GOLGA8R: variants seen among roughly 807,000 people sequenced by gnomAD.
GOLGA8R encodes golgin subfamily A member 8R.
Under a neutral mutation model 21.4 loss-of-function variants are expected in GOLGA8R, and 6 were observed. The observed-to-expected ratio is 0.28, with a 90% CI of 0.15 to 0.55. GOLGA8R has a LOEUF of 0.55. Among genes scored for constraint, GOLGA8R ranks in the 20% least tolerant of loss-of-function variants. The probability of loss-of-function intolerance (pLI) is 0.94; values close to 1 mark genes in which losing one functional copy is unlikely to be tolerated. For synonymous variants in GOLGA8R, 8 were observed against 49.3 expected, an observed-to-expected ratio of 0.16 and a Z score of 3.51; for missense variants, 41 against 139.9, an observed-to-expected ratio of 0.29 and a Z score of 3.57.
chr15:30,407,989 A>C lies in GOLGA8R; in HGVS notation c.790T>G (p.Cys264Gly). ...TCCTGCTTCTCTTTCTTTAATGTGCAAATCTGCCCAAAGCACAGGGGGAAA... is the reference window on the plus strand; with the variant it reads ...TCCTGCTTCTCTTTCTTTAATGTGCCAATCTGCCCAAAGCACAGGGGGAAA... ...QRMSKMSQEICTLKKEKQDMR... is the reference protein window; with the variant it reads ...QRMSKMSQEIGTLKKEKQDMR... Residue 264 changes from cysteine (C) to glycine (G), a missense_variant, in exon 11 of 19, where the codon TGC becomes GGC. Cys to Gly is a radical substitution (Grantham distance 159, BLOSUM62 -3). Transcript: ENST00000327271. 1 of 1,612,910 alleles carries C rather than the reference A, an allele frequency of 6.2e-7. No homozygotes were observed. Among genetic ancestry groups the C allele is most frequent in the Non-Finnish European group, 8.5e-7 (1 of 1,179,248 alleles).
chr15:30,408,134 C>T, intron 10 of GOLGA8R, 54 bp downstream of exon 10: 1 of 1,007,374 alleles, frequency 9.9e-7, no homozygotes, highest in Non-Finnish European at 1.5e-6. Flanking sequence ...TACAGATGCC[C>T]AGAAAGATCC....
intron 17 of GOLGA8R, 43 bp from the exon 18 acceptor site, chr15:30,404,199 CA>C: frequency 2.9e-4 from 13 of 44,954 alleles, no homozygotes; most frequent in South Asian, 4.9e-4. Context: ...TGCCTGCGCC[CA>C]CCCTCACACC....
At chr15:30,407,874 G>A (rs758887972) in intron 11 of GOLGA8R, 34 bp downstream of exon 11, 9 of 1,605,620 alleles carry the variant, frequency 5.6e-6, no homozygotes, top group East Asian at 2.2e-5. Context: ...TCTGATGCCA[G>A]TCCTGCTCCC....
chr15:30,407,713 C>T (rs1480833428), intron 11 of GOLGA8R, among the ~76,000 whole-genome samples, 182 bp from the exon 12 acceptor site: 92 of 152,058 alleles, frequency 6.1e-4, no homozygotes, highest in Non-Finnish European at 1.1e-3. Flanking sequence ...TGGCTGACAA[C>T]GGGCCCTCTT....
chr15:30,410,312 C>T (rs2059119939), intron 4 of GOLGA8R, 45 bp from the exon 5 acceptor site: 5 of 1,063,048 alleles, frequency 4.7e-6, no homozygotes, highest in Non-Finnish European at 5.3e-6. Context: ...GCCCCCTCAA[C>T]TCTATTCCCC....
rs549305273 is a variant in GOLGA8R, at chr15:30,407,987, G to T, written c.792C>A (p.Cys264Ter). ...QRMSKMSQEICTLKKEKQDMR... is the reference protein window; with the variant it reads ...QRMSKMSQEI ...TATCCTGCTTCTCTTTCTTTAATGT[G>T]CAAATCTGCCCAAAGCACAGGGGGA... Residue 264 changes from cysteine to a stop codon, truncating the protein, a stop_gained, in exon 11 of 19, where the codon TGC becomes TGA. Transcript: ENST00000327271. LOFTEE classifies it high-confidence loss of function. 1.9e-6 allele frequency: 3 copies of T among 1,612,830 alleles called. No homozygotes were observed. The highest frequency in any genetic ancestry group is 2.2e-5 in the South Asian group (2 of 91,036).
chr15:30,407,880 C>A, intron 11 of GOLGA8R, 28 bp downstream of exon 11: 1 of 1,609,568 alleles, frequency 6.2e-7, no homozygotes, highest in East Asian at 2.2e-5. Flanking sequence ...GCCAGTCCTG[C>A]TCCCAGGTCA....
rs1027677940 is a variant in GOLGA8R, at chr15:30,400,770, C to T, written c.*2970G>A. 8.8e-5 allele frequency among the ~76,000 whole-genome samples: 5 copies of T among 56,966 alleles called. 2 individuals are homozygous for T. The highest frequency in any genetic ancestry group is 2.0e-4 in the Non-Finnish European group (5 of 24,584). The allele number at this position is 56,966 out of a possible 152,430, so 37.4% of individuals were successfully genotyped here. On this transcript the variant is annotated 3_prime_UTR_variant, in exon 19 of 19. Transcript: ENST00000327271. The stretch of plus-strand genomic sequence containing the variant: ...TGCTTTTCGTTCCCACCATTTCTTT[C>T]TTTTATACTACAGTATTCATATTTT...
intron 11 of GOLGA8R, 64 bp downstream of exon 11, chr15:30,407,844 C>A (rs1286550871): frequency 6.4e-7 from 1 of 1,556,434 alleles, no homozygotes; most frequent in Non-Finnish European, 8.9e-7. Flanking sequence ...CTGGGGCACT[C>A]TAAGCCACCC....
chr15:30,408,350 C>G, intron 9 of GOLGA8R, 52 bp downstream of exon 9: 1 of 580,386 alleles, frequency 1.7e-6, no homozygotes, highest in Non-Finnish European at 3.0e-6. Context: ...TCACCTGCTC[C>G]TGGCCACCTG....
intron 11 of GOLGA8R, 130 bp downstream of exon 11, chr15:30,407,778 C>T: frequency 6.3e-7 from 1 of 1,597,744 alleles, no homozygotes; most frequent in South Asian, 1.1e-5. Flanking sequence ...GACTTGCGGT[C>T]TCCTGGCACA....
intron 11 of GOLGA8R, among the ~76,000 whole-genome samples, 171 bp downstream of exon 11, chr15:30,407,737 A>G (rs2059094910): frequency 6.6e-6 from 1 of 152,076 alleles, no homozygotes; most frequent in African/African-American, 2.4e-5. Flanking sequence ...TGATGGGGAC[A>G]CTGAGACACT....
At chr15:30,407,242 A>C (rs2059085012) in intron 12 of GOLGA8R, 33 bp downstream of exon 12, 1 of 470,450 alleles carries the variant, frequency 2.1e-6, no homozygotes, top group African/African-American at 5.2e-5. Flanking sequence ...AGGGCTAGGG[A>C]GGAGGGCAGG....
In GOLGA8R at chr15:30,408,012, A is replaced by C. The variant is rs772613951; in HGVS notation, c.787-20T>G. 5 of 1,613,032 alleles carry C rather than the reference A, an allele frequency of 3.1e-6. No individual in the cohort carries two copies. The South Asian group carries it at 5.5e-5, about 18-fold the overall frequency. On this transcript the variant is annotated intron_variant, in intron 10 of 18. Transcript: ENST00000327271. ...GCAAATCTGCCCAAAGCACAGGGGGAAAGGGCCCTGGAGAGAGGGGCTGGT... is the reference window on the plus strand; with the variant it reads ...GCAAATCTGCCCAAAGCACAGGGGGCAAGGGCCCTGGAGAGAGGGGCTGGT...
chr15:30,407,909 C>A lies in GOLGA8R; in HGVS notation c.870G>T (p.Thr290=), dbSNP rs756922663. 6.2e-7 allele frequency: 1 copy of A among 1,611,844 alleles called. No homozygotes were observed. The highest frequency in any genetic ancestry group is 1.7e-5 in the Admixed American group (1 of 60,018). The change falls in exon 11 of 19, where the codon ACG becomes ACT. Residue 290 remains threonine, a splice_region_variant and synonymous_variant. Transcript: ENST00000327271. ...EWSLSKLKNQ[T]AEPLPPEPPA... is the part of the protein sequence containing the mutation. ...CAGGTCATGCCAGCCCCATCTTACC[C>A]GTCTGGTTTTTGAGTTTGGACAAGC...
chr15:30,407,711 A>G (rs1268211307), intron 11 of GOLGA8R, among the ~76,000 whole-genome samples, 180 bp from the exon 12 acceptor site: 16 of 152,236 alleles, frequency 1.1e-4, no homozygotes, highest in Admixed American at 2.6e-4. Flanking sequence ...GGTGGCTGAC[A>G]ACGGGCCCTC....
rs767433032 is a variant in GOLGA8R, at chr15:30,407,993, C to G, written c.787-1G>C. 1.4e-5 allele frequency: 23 copies of G among 1,612,924 alleles called. 1 individual carries two copies. In the East Asian group the frequency reaches 2.9e-4, roughly 20 times the overall value. On this transcript the variant is annotated splice_acceptor_variant, in intron 10 of 18. Coordinates refer to ENST00000327271, the MANE Select transcript of GOLGA8R (RefSeq NM_001282484.1). LOFTEE classifies it high-confidence loss of function. ...GCTTCTCTTTCTTTAATGTGCAAAT[C>G]TGCCCAAAGCACAGGGGGAAAGGGC...
intron 4 of GOLGA8R, 136 bp from the exon 5 acceptor site, chr15:30,410,403 AAC>A: frequency 2.8e-6 from 1 of 354,458 alleles, no homozygotes; most frequent in Non-Finnish European, 4.9e-6. Context: ...CGAACCGGTA[AAC>A]TCTCCTCAAG....
intron 11 of GOLGA8R, among the ~76,000 whole-genome samples, 179 bp downstream of exon 11, chr15:30,407,728 GA>G (rs1161757019): frequency 6.6e-6 from 1 of 152,010 alleles, no homozygotes; most frequent in Non-Finnish European, 1.5e-5. Context: ...CCTCTTTGCT[GA>G]TGGGGACACT....
Sources: gnomAD v4.1 joint callset for allele counts (sites outside exome capture counted in the v4.1 genomes callset) on GRCh38, gnomAD v4.1.1 for gene constraint, MANE v1.5 for transcripts, NCBI Gene and HGNC (gene_info 2026-07-23, HGNC 2026-07-21) for gene names.